The following PNPLA7 variants were observed in gnomAD, a reference collection of about 807,000 sequenced individuals.
PNPLA7 encodes the protein patatin-like phospholipase domain-containing protein 7.
A neutral mutation model predicts 161.7 loss-of-function variants in PNPLA7; 153 were observed. The ratio of observed to expected loss-of-function variants is 0.95; its 90% confidence interval spans 0.83 to 1.08. PNPLA7 has a LOEUF of 1.08. Among genes scored for constraint, PNPLA7 ranks in the 50% least tolerant of loss-of-function variants. The pLI, the probability that PNPLA7 is intolerant of heterozygous loss-of-function variation, is 0.00. For synonymous variants in PNPLA7, 809 were observed against 782.1 expected, an observed-to-expected ratio of 1.03 and a Z score of -0.57; for missense variants, 1,739 against 1,856.6, an observed-to-expected ratio of 0.94 and a Z score of 1.16.
chr9:137,510,119 C>G (rs532140465), intron 12 of PNPLA7, among the ~76,000 whole-genome samples: 1 of 152,270 alleles, frequency 6.6e-6, no homozygotes, highest in African/African-American at 2.4e-5. Flanking sequence ...ACGCCCGTTA[C>G]CAGGCGGATC....
intron 29 of PNPLA7, chr9:137,463,083 C>T (rs908207301): frequency 1.3e-5 from 8 of 607,164 alleles, no homozygotes; most frequent in East Asian, 2.8e-5. Flanking sequence ...CCAGCAAGCT[C>T]GACACCTGCA....
chr9:137,524,737 G>A lies in PNPLA7; in HGVS notation c.748-1880C>T, dbSNP rs186316006. Among the ~76,000 whole-genome samples, 82 of 152,294 alleles carry A rather than the reference G, an allele frequency of 5.4e-4. No homozygotes were observed. The highest frequency in any genetic ancestry group is 1.8e-3 in the African/African-American group (74 of 41,558). ...TTTTGCATTCTCACCAGCAGCGAAC[G>A]AGTTTCCGTGGATGCCCCGTGGAAT... On this transcript the variant is annotated intron_variant, in intron 8 of 34. Transcript: ENST00000406427. The surrounding 1 kb of genome is among the most constrained non-coding windows in gnomAD (Gnocchi z 4.4).
At position 137,460,635 on chromosome 9, in the gene PNPLA7, A is replaced by G. The variant is rs143828729; in HGVS notation, c.3944T>C (p.Leu1315Ser). 17 of 1,611,706 alleles carry G rather than the reference A, an allele frequency of 1.1e-5. No individual in the cohort carries two copies. Among genetic ancestry groups the G allele is most frequent in the Admixed American group, 3.3e-5 (2 of 59,940 alleles). The change falls in exon 34 of 35, where the codon TTG (leucine) becomes TCG (serine). Residue 1315 changes from leucine to serine, a missense_variant and splice_region_variant. Around this residue, in one of 6 missense-constraint regions of PNPLA7, gnomAD observed 703 missense variants for 694.6 expected, o/e 1.01. Coordinates refer to ENST00000406427, the MANE Select transcript of PNPLA7 (RefSeq NM_001098537.3). ...QSTSAQQGSD[L>S]EDESSLRHRH... ...GTGGGACCATGCCCAGCTCCTCACC[A>G]AGTCTGAGCCCTGCTGGGCTGAGGT...
At chr9:137,510,580 G>T (rs573303142) in intron 12 of PNPLA7, among the ~76,000 whole-genome samples, 79 of 152,186 alleles carry the variant, frequency 5.2e-4, no homozygotes, top group Non-Finnish European at 8.8e-4. Context: ...TGCCCCTTCT[G>T]CCTTGTATCC....
rs1319447912 is a variant in PNPLA7 at position 137,460,854 on chromosome 9, C to T, written c.3842-117G>A. On this transcript the variant is annotated intron_variant, in intron 33 of 34. Transcript: ENST00000406427. ...GCCCACCCCCGCCTCCAAGGTGGCC[C>T]GGGGCCCTACACGCAGCCACCTGGT... 17 of 919,898 alleles carry T rather than the reference C, an allele frequency of 1.8e-5. No homozygotes were observed. In the East Asian group the frequency reaches 2.4e-4, roughly 13 times the overall value. 57.0% of individuals were successfully genotyped at this position (919,898 alleles called of 1,614,324 possible). A position where few individuals can be genotyped will look rare whatever the true frequency, so the allele number is the denominator to read the frequency against.
intron 9 of PNPLA7, 151 bp from the exon 10 acceptor site, chr9:137,521,867 A>G: frequency 1.7e-6 from 1 of 573,442 alleles, no homozygotes; most frequent in Non-Finnish European, 3.0e-6. Flanking sequence ...CGCAGACTTG[A>G]CACCTCACCA....
intron 14 of PNPLA7, among the ~76,000 whole-genome samples, chr9:137,503,909 AAAG>A (rs879405369): frequency 7.2e-4 from 6 of 8,324 alleles, no homozygotes; most frequent in South Asian, 7.8e-3. Flanking sequence ...AAGGAAGAAG[AAAG>A]AAGAAGGAAG....
intron 25 of PNPLA7, among the ~76,000 whole-genome samples, chr9:137,477,715 T>A (rs1722638962): frequency 6.6e-6 from 1 of 152,208 alleles, no homozygotes; most frequent in African/African-American, 2.4e-5. Context: ...AGTGCTGGGA[T>A]TACAGGCGTG....
chr9:137,519,783 C>T (rs1439237762), intron 11 of PNPLA7, 134 bp downstream of exon 11: 14 of 1,200,388 alleles, frequency 1.2e-5, no homozygotes, highest in African/African-American at 3.1e-5. Flanking sequence ...TGACCTGGGC[C>T]GTGTGAGGTG....
In PNPLA7 at chr9:137,524,225, TG is replaced by T. The variant is rs1564352576; in HGVS notation, c.748-1369del. On this transcript the variant is annotated intron_variant, in intron 8 of 34. Coordinates refer to ENST00000406427, the MANE Select transcript of PNPLA7 (RefSeq NM_001098537.3). This position sits in a 1 kb window ranked among gnomAD's most constrained non-coding sequence, Gnocchi z 4.4. ...AGAGTGTGGAGGCTTCCCTCAGCGG[TG>T]TGACACACTCGAGATTCCCCCACGG... 5.9e-5 allele frequency among the ~76,000 whole-genome samples: 9 copies of T among 152,068 alleles called. No homozygotes were observed. Among genetic ancestry groups the T allele is most frequent in the African/African-American group, 2.2e-4 (9 of 41,390 alleles).
chr9:137,463,295 C>T, intron 29 of PNPLA7, 120 bp downstream of exon 29: 1 of 924,782 alleles, frequency 1.1e-6, no homozygotes, highest in African/African-American at 1.7e-5. Context: ...TTGGCATACT[C>T]TAAGGAAAAC....
At chr9:137,535,680 G>A (rs895069632) in intron 8 of PNPLA7, among the ~76,000 whole-genome samples, 3 of 151,276 alleles carry the variant, frequency 2.0e-5, no homozygotes, top group Non-Finnish European at 2.9e-5. Flanking sequence ...TTGAACACGG[G>A]AGGCAGGAGT....
intron 18 of PNPLA7, among the ~76,000 whole-genome samples, chr9:137,495,544 C>T (rs916263083): frequency 9.2e-5 from 14 of 152,034 alleles, no homozygotes; most frequent in Admixed American, 1.3e-4. Flanking sequence ...CCTGGGTTCA[C>T]GCCATTCTCC....
rs902259820 is a variant in PNPLA7, at chr9:137,524,797, G to A, written c.748-1940C>T. ...TGGATGCCCCGTGGAATGGGTTTCC[G>A]TGGATGCCCCGTGGAATGAGTTTCC... On this transcript the variant is annotated intron_variant, in intron 8 of 34. Transcript: ENST00000406427. The surrounding 1 kb of genome is among the most constrained non-coding windows in gnomAD (Gnocchi z 4.4). 2.0e-5 allele frequency among the ~76,000 whole-genome samples: 3 copies of A among 151,554 alleles called. No homozygotes were observed. The highest frequency in any genetic ancestry group is 4.4e-5 in the Non-Finnish European group (3 of 67,906).
rs997652212 is a variant in PNPLA7, at chr9:137,524,654, C to T, written c.748-1797G>A. ...GAAACTACCAAACTGTCTCCTACAGCGGCTGCCGTGCTTTGCATTCTCACC... is the reference window on the plus strand; with the variant it reads ...GAAACTACCAAACTGTCTCCTACAGTGGCTGCCGTGCTTTGCATTCTCACC... On this transcript the variant is annotated intron_variant, in intron 8 of 34. Transcript: ENST00000406427. This position sits in a 1 kb window ranked among gnomAD's most constrained non-coding sequence, Gnocchi z 4.4. Among the ~76,000 whole-genome samples the T allele has an allele frequency of 2.0e-5, 3 of 152,362 alleles. No homozygotes were observed. Among genetic ancestry groups the T allele is most frequent in the South Asian group, 4.1e-4 (2 of 4,826 alleles).
rs568028556 is a variant in PNPLA7 at position 137,494,039 on chromosome 9, G to C, written c.2128-957C>G. Among the ~76,000 whole-genome samples the C allele has an allele frequency of 8.5e-4, 129 of 152,296 alleles. 1 individual carries two copies. Among genetic ancestry groups the C allele is most frequent in the African/African-American group, 2.8e-3 (115 of 41,552 alleles). On this transcript the variant is annotated intron_variant, in intron 19 of 34. Coordinates refer to ENST00000406427, the MANE Select transcript of PNPLA7 (RefSeq NM_001098537.3). ...AGGGAGGGCAGTGGTGGCCTCTCAG[G>C]ATGAGCCCCAGGGGTGGTGAGAGGC...
intron 12 of PNPLA7, among the ~76,000 whole-genome samples, chr9:137,511,400 A>T (rs1312817214): frequency 6.8e-6 from 1 of 147,432 alleles, no homozygotes; most frequent in Non-Finnish European, 1.5e-5. Flanking sequence ...GCGCCTGGGA[A>T]GGTACCCGTT....
chr9:137,521,556 G>T, intron 10 of PNPLA7, 80 bp downstream of exon 10: 2 of 1,420,826 alleles, frequency 1.4e-6, no homozygotes, highest in Non-Finnish European at 2.0e-6. Flanking sequence ...GGCACTGGGC[G>T]CCTGCCGTGC....
intron 4 of PNPLA7, 52 bp downstream of exon 4, chr9:137,546,778 G>T: frequency 2.5e-6 from 4 of 1,570,124 alleles, no homozygotes; most frequent in Non-Finnish European, 2.6e-6. Flanking sequence ...CCCTCCCACA[G>T]GGGCCTGCTC....
Sources: gnomAD v4.1 joint callset for allele counts (sites outside exome capture counted in the v4.1 genomes callset) on GRCh38, gnomAD v4.1.1 for gene constraint, gnomAD v4.1.1 regional missense constraint, Gnocchi (gnomAD v3.1) non-coding constraint, MANE v1.5 for transcripts, NCBI Gene and HGNC (gene_info 2026-07-23, HGNC 2026-07-21) for gene names.